The following THUMPD2 variants were observed in gnomAD, a reference collection of about 807,000 sequenced individuals.
The protein encoded by THUMPD2 is U6 snRNA (guanine-N(2))-methyltransferase THUMPD2.
THUMPD2 carries 56 observed loss-of-function variants against 49.4 expected under a neutral mutation model. That is an observed-to-expected ratio of 1.13 (90% CI 0.91 to 1.41). The LOEUF (loss-of-function observed/expected upper bound fraction) is 1.41. Ranked by LOEUF, THUMPD2 falls within the 40% of genes most tolerant of loss-of-function variation. THUMPD2 has a pLI of 0.00. For synonymous variants in THUMPD2, 237 were observed against 205.2 expected (o/e 1.15, Z -1.32); for missense variants, 709 against 594.5 (o/e 1.19, Z -2.00).
intron 8 of THUMPD2, among the ~76,000 whole-genome samples, chr2:39,749,871 T>TA: frequency 6.6e-6 from 1 of 152,290 alleles, no homozygotes; most frequent in South Asian, 2.1e-4. Context: ...GTTCCTGCGT[T>TA]AGTTTGCTGA....
intron 1 of THUMPD2, 99 bp downstream of exon 1, chr2:39,779,015 G>C: frequency 3.8e-6 from 5 of 1,332,142 alleles, no homozygotes; most frequent in Non-Finnish European, 4.8e-6. Flanking sequence ...GGAACAGAGA[G>C]GGGCGCCAGC....
intron 2 of THUMPD2, among the ~76,000 whole-genome samples, chr2:39,770,389 G>T (rs1176764947): frequency 6.6e-6 from 1 of 151,928 alleles, no homozygotes; most frequent in Non-Finnish European, 1.5e-5. Context: ...AAGATTATTT[G>T]TGCTATGGTA....
At chr2:39,748,985 TA>T (rs915286886) in intron 8 of THUMPD2, among the ~76,000 whole-genome samples, 34 of 143,730 alleles carry the variant, frequency 2.4e-4, no homozygotes, top group Admixed American at 3.5e-4. Flanking sequence ...GTCTCTCTCT[TA>T]AAAAAAAAAA....
At chr2:39,768,911 T>A in intron 3 of THUMPD2, 5 of 1,301,180 alleles carry the variant, frequency 3.8e-6, no homozygotes, top group Middle Eastern at 2.1e-4. Flanking sequence ...CCTTTAGGGT[T>A]TGACTGATTT....
chr2:39,761,597 T>C (rs866955419), intron 5 of THUMPD2, among the ~76,000 whole-genome samples, 179 bp from the exon 6 acceptor site: 1 of 152,216 alleles, frequency 6.6e-6, no homozygotes, highest in Non-Finnish European at 1.5e-5. Context: ...AATGGGCACC[T>C]TGTCTACCCA....
chr2:39,755,831 A>T, intron 7 of THUMPD2, 58 bp downstream of exon 7: 1 of 1,376,688 alleles, frequency 7.3e-7, no homozygotes, highest in Non-Finnish European at 1.0e-6. Context: ...TGGTGATTAT[A>T]CTACATATAC....
At chr2:39,767,890 C>A (rs1176110571) in intron 4 of THUMPD2, among the ~76,000 whole-genome samples, 4 of 152,018 alleles carry the variant, frequency 2.6e-5, no homozygotes, top group African/African-American at 9.7e-5. Context: ...TATACGTCAA[C>A]TTTATAAGAT....
intron 5 of THUMPD2, 44 bp downstream of exon 5, chr2:39,766,013 A>T: frequency 6.8e-7 from 1 of 1,474,096 alleles, no homozygotes; most frequent in Non-Finnish European, 9.2e-7. Flanking sequence ...TTCTTAATTT[A>T]ACCATCTGTC....
At chr2:39,769,255 C>T in intron 3 of THUMPD2, 1 of 338,088 alleles carries the variant, frequency 3.0e-6, no homozygotes, top group Admixed American at 3.9e-5. Flanking sequence ...AATGGCATAC[C>T]ATTCCTCTTA....
intron 6 of THUMPD2, among the ~76,000 whole-genome samples, chr2:39,758,804 G>T (rs1407403550): frequency 6.6e-6 from 1 of 150,600 alleles, no homozygotes; most frequent in Admixed American, 6.6e-5. Flanking sequence ...AAAAAAAGGA[G>T]GAGGTCCCTC....
At chr2:39,739,606 T>A (rs890881689) in intron 9 of THUMPD2, among the ~76,000 whole-genome samples, 2 of 152,232 alleles carry the variant, frequency 1.3e-5, no homozygotes, top group African/African-American at 4.8e-5. Flanking sequence ...TATTCACTGC[T>A]GTAATCCCCG....
In THUMPD2 at chr2:39,771,653, A is replaced by C. The variant is rs1678330100; in HGVS notation, c.127-13T>G. 6.3e-7 allele frequency: 1 copy of C among 1,599,094 alleles called. No homozygotes were observed. The highest frequency in any genetic ancestry group is 1.8e-5 in the Admixed American group (1 of 56,052). ...AAATATATTCAACCTAGAAATAGAA[A>C]AACAGCTTTTAATGTAGTCCAGTGT... On this transcript the variant is annotated splice_polypyrimidine_tract_variant and intron_variant, in intron 1 of 9. Coordinates refer to ENST00000505747, the MANE Select transcript of THUMPD2 (RefSeq NM_025264.5).
At chr2:39,756,947 T>G (rs1405372038) in intron 6 of THUMPD2, among the ~76,000 whole-genome samples, 4 of 113,018 alleles carry the variant, frequency 3.5e-5, no homozygotes, top group Admixed American at 1.0e-4. Context: ...TAAATGGTAT[T>G]GGAGAAAAAA....
chr2:39,775,194 G>A (rs1212012432), intron 1 of THUMPD2, among the ~76,000 whole-genome samples: 1 of 152,152 alleles, frequency 6.6e-6, no homozygotes, highest in Non-Finnish European at 1.5e-5. Context: ...TGGGAGGATT[G>A]CTTGAGCCGG....
rs1679116206 is a variant in THUMPD2, at chr2:39,776,487, A to G, written c.126+2627T>C. Among the ~76,000 whole-genome samples the G allele has an allele frequency of 4.6e-5, 7 of 151,722 alleles. No individual in the cohort carries two copies. The South Asian group carries it at 1.5e-3, about 32-fold the overall frequency. ...TGGCTCACTGCAACCTCCGCCTCCAAGGTTCAAGCAATTCTCGTGCCTCAG... is the reference window on the plus strand; with the variant it reads ...TGGCTCACTGCAACCTCCGCCTCCAGGGTTCAAGCAATTCTCGTGCCTCAG... On this transcript the variant is annotated intron_variant, in intron 1 of 9. Transcript: ENST00000505747.
At chr2:39,745,373 G>C (rs1287794183) in intron 8 of THUMPD2, among the ~76,000 whole-genome samples, 3 of 152,056 alleles carry the variant, frequency 2.0e-5, no homozygotes, top group African/African-American at 7.2e-5. Flanking sequence ...ACCCTTATGT[G>C]GGGTTAATAG....
intron 1 of THUMPD2, among the ~76,000 whole-genome samples, chr2:39,778,102 T>C (rs189891038): frequency 1.2e-3 from 184 of 152,348 alleles, no homozygotes; most frequent in Non-Finnish European, 2.1e-3. Flanking sequence ...TACCTGTGCT[T>C]CATTTTTCTC....
Position 39,736,977 on chromosome 2 carries a change from T to C in THUMPD2, c.1270A>G (p.Ile424Val). 1 of 1,614,132 alleles carries C rather than the reference T, an allele frequency of 6.2e-7. No individual in the cohort carries two copies. Among genetic ancestry groups the C allele is most frequent in the Non-Finnish European group, 8.5e-7 (1 of 1,179,986 alleles). Reference protein sequence around the residue: ...RRLTDCKESNIPFNSKDSHTD... With the variant: ...RRLTDCKESNVPFNSKDSHTD... Reference sequence around the variant, plus strand: ...TGACTGTCCTTGGAATTGAAAGGGATGTTGCTCTCTTTACAATCTGTAAGG... The same window carrying C: ...TGACTGTCCTTGGAATTGAAAGGGACGTTGCTCTCTTTACAATCTGTAAGG... Residue 424 changes from isoleucine (I) to valine (V), a missense_variant, in exon 10 of 10, where the codon ATC becomes GTC. Ile to Val is a conservative substitution (Grantham distance 29, BLOSUM62 3). Coordinates refer to ENST00000505747, the MANE Select transcript of THUMPD2 (RefSeq NM_025264.5).
Position 39,755,322 on chromosome 2 carries a change from T to C in THUMPD2, c.1051A>G (p.Ile351Val). 1.3e-6 allele frequency: 2 copies of C among 1,545,464 alleles called. No individual in the cohort carries two copies. Among genetic ancestry groups the C allele is most frequent in the Non-Finnish European group, 1.7e-6 (2 of 1,158,324 alleles). Residue 351 changes from isoleucine (I) to valine (V), a missense_variant, in exon 8 of 10, where the codon ATT becomes GTT. Coordinates refer to ENST00000505747, the MANE Select transcript of THUMPD2 (RefSeq NM_025264.5). ...NLKAAGLEDK[I>V]ELLKISVIEL... ...ATAACAGAGATTTTAAGTAATTCAA[T>C]TTTATCCTCAAGGCCTGCAGCTTTC...
Sources: allele counts gnomAD v4.1 joint callset (sites outside exome capture counted in the v4.1 genomes callset), GRCh38; gene constraint gnomAD v4.1.1; transcripts MANE v1.5; gene names NCBI Gene and HGNC (gene_info 2026-07-23, HGNC 2026-07-21).